The following EVL variants were observed in gnomAD, a reference collection of about 807,000 sequenced individuals.
The protein encoded by EVL is ena/VASP-like protein.
EVL carries 21 observed loss-of-function variants against 59.6 expected under a neutral mutation model. The ratio of observed to expected loss-of-function variants is 0.35; its 90% CI spans 0.25 to 0.51. The LOEUF (loss-of-function observed/expected upper bound fraction) is 0.51. EVL is among the 20% of genes least tolerant of loss of function. The pLI is 0.97. For missense variants in EVL, 462 were observed against 546.6 expected, an observed-to-expected ratio of 0.85 and a Z score of 1.54; for synonymous variants, 198 against 203.5, an observed-to-expected ratio of 0.97 and a Z score of 0.23.
chr14:100,098,570 G>A (rs1885980560), intron 3 of EVL, among the ~76,000 whole-genome samples: 1 of 152,244 alleles, frequency 6.6e-6, no homozygotes, highest in Non-Finnish European at 1.5e-5. Context: ...CAGCAGGACA[G>A]TTAAAGCAAA....
intron 3 of EVL, among the ~76,000 whole-genome samples, chr14:100,119,987 C>T (rs1158565512): frequency 1.3e-5 from 2 of 152,224 alleles, no homozygotes; most frequent in Non-Finnish European, 2.9e-5. Flanking sequence ...CGCTCTGCCA[C>T]TGTGTGCAGA....
intron 1 of EVL, among the ~76,000 whole-genome samples, chr14:100,018,946 G>C (rs1229983194): frequency 2.0e-5 from 3 of 152,110 alleles, no homozygotes; most frequent in African/African-American, 7.2e-5. Flanking sequence ...GAATTGGTGA[G>C]AACCGGGTAC....
At position 100,111,018 on chromosome 14, in the gene EVL, G is replaced by T. The variant is rs566642408; in HGVS notation, c.359-12521G>T. 1.3e-5 allele frequency among the ~76,000 whole-genome samples: 2 copies of T among 152,156 alleles called. 1 individual carries two copies. The highest frequency in any genetic ancestry group is 4.1e-4 in the South Asian group (2 of 4,828). ...ATGGTCAGCACAGTGGTTGACAGAA[G>T]TGGCACAGATTGTGGGGGCAGGTGA... is the stretch of plus-strand genomic sequence containing the variant. On this transcript the variant is annotated intron_variant, in intron 3 of 13. Coordinates refer to ENST00000392920, the MANE Select transcript of EVL (RefSeq NM_016337.3).
At chr14:99,975,016 TCC>T (rs2060760457) in intron 1 of EVL, 1 of 152,850 alleles carries the variant, frequency 6.5e-6, no homozygotes, top group Non-Finnish European at 1.5e-5. Context: ...GGGGACCTAC[TCC>T]TTGGCCTTGG....
intron 1 of EVL, among the ~76,000 whole-genome samples, chr14:99,990,277 G>A (rs1023527663): frequency 1.3e-5 from 2 of 152,248 alleles, no homozygotes; most frequent in South Asian, 2.1e-4. Flanking sequence ...GGGTATCAGC[G>A]AAGTTCAGAA....
At chr14:100,120,168 T>C (rs1168250019) in intron 3 of EVL, among the ~76,000 whole-genome samples, 2 of 152,206 alleles carry the variant, frequency 1.3e-5, no homozygotes, top group Non-Finnish European at 2.9e-5. Flanking sequence ...AAGCATGAAC[T>C]TGGGGGACCC....
intron 8 of EVL, chr14:100,134,983 A>G (rs146906859): frequency 6.6e-6 from 1 of 152,352 alleles, no homozygotes; most frequent in African/African-American, 2.4e-5. Context: ...AAAATAACAT[A>G]CAAGAAAAGA....
intron 1 of EVL, among the ~76,000 whole-genome samples, chr14:99,985,029 C>T (rs2060831258): frequency 6.6e-6 from 1 of 152,082 alleles, no homozygotes; most frequent in African/African-American, 2.4e-5. Flanking sequence ...TTGTATATAA[C>T]AACGTTAAGT....
At chr14:100,060,417 C>T (rs1026817454) in intron 1 of EVL, among the ~76,000 whole-genome samples, 97 of 133,764 alleles carry the variant, frequency 7.3e-4, no homozygotes, top group Admixed American at 1.4e-3. Context: ...GGCGACAGAG[C>T]GAGACTCCGT....
intron 1 of EVL, among the ~76,000 whole-genome samples, chr14:100,017,291 T>G (rs2061058796): frequency 6.6e-6 from 1 of 152,182 alleles, no homozygotes; most frequent in Admixed American, 6.5e-5. Context: ...AAGGAGAGTC[T>G]TGAGTCACTG....
intron 1 of EVL, among the ~76,000 whole-genome samples, chr14:100,036,778 G>A (rs967792955): frequency 2.0e-5 from 3 of 152,162 alleles, no homozygotes; most frequent in African/African-American, 7.2e-5. Flanking sequence ...GAGGACCGTG[G>A]CACTCTAGGG....
At chr14:100,099,564 C>T (rs541389816) in intron 3 of EVL, among the ~76,000 whole-genome samples, 46 of 152,282 alleles carry the variant, frequency 3.0e-4, no homozygotes, top group African/African-American at 9.1e-4. Context: ...GGTAAGGAAG[C>T]ATCTTAATCA....
At chr14:100,090,970 G>A (rs961603955) in intron 2 of EVL, among the ~76,000 whole-genome samples, 2 of 152,030 alleles carry the variant, frequency 1.3e-5, no homozygotes, top group Non-Finnish European at 2.9e-5. Context: ...TGTGAAAGTA[G>A]CTACAAACTA....
intron 7 of EVL, among the ~76,000 whole-genome samples, chr14:100,132,080 G>A (rs61984556): frequency 0.027 from 4,143 of 152,136 alleles, 81 homozygotes; most frequent in Non-Finnish European, 0.04. Flanking sequence ...GTAGACCTGG[G>A]AGGTCAGCAG....
At chr14:100,088,685 A>C (rs1349313114) in intron 2 of EVL, among the ~76,000 whole-genome samples, 2 of 152,234 alleles carry the variant, frequency 1.3e-5, no homozygotes, top group African/African-American at 2.4e-5. Flanking sequence ...TGACCAAAAC[A>C]TCATTATGTG....
At chr14:100,087,715 G>C (rs1313757370) in intron 2 of EVL, among the ~76,000 whole-genome samples, 8 of 152,206 alleles carry the variant, frequency 5.3e-5, no homozygotes, top group African/African-American at 1.7e-4. Flanking sequence ...AATTAATAGA[G>C]GTGGAGCAAA....
In EVL at chr14:100,127,745, G is replaced by A. The variant is rs928412382; in HGVS notation, c.488-774G>A. Among the ~76,000 whole-genome samples the A allele has an allele frequency of 1.2e-4, 18 of 152,184 alleles. No homozygotes were observed. Among genetic ancestry groups the A allele is most frequent in the African/African-American group, 3.4e-4 (14 of 41,450 alleles). On this transcript the variant is annotated intron_variant, in intron 5 of 13. Transcript: ENST00000392920. This position sits in a 1 kb window ranked among gnomAD's most constrained non-coding sequence, Gnocchi z 4.2. The stretch of plus-strand genomic sequence containing the variant: ...CGTGAGGACGTCATGGAGGACGTCC[G>A]TCTTCCATGAACTTCTGGCCAGGCT...
At chr14:100,101,444 C>T (rs975875695) in intron 3 of EVL, among the ~76,000 whole-genome samples, 3 of 151,962 alleles carry the variant, frequency 2.0e-5, no homozygotes, top group Non-Finnish European at 4.4e-5. Context: ...TGTGCCATTG[C>T]ACTCCACTTT....
At chr14:100,141,909 C>A in intron 13 of EVL, 116 bp downstream of exon 13, 1 of 737,462 alleles carries the variant, frequency 1.4e-6, no homozygotes, top group Non-Finnish European at 2.1e-6. Context: ...GCACTGGGCC[C>A]TGTGAGAGAT....
Sources: gnomAD v4.1 joint callset for allele counts (sites outside exome capture counted in the v4.1 genomes callset) on GRCh38, gnomAD v4.1.1 for gene constraint, Gnocchi (gnomAD v3.1) non-coding constraint, MANE v1.5 for transcripts, NCBI Gene and HGNC (gene_info 2026-07-23, HGNC 2026-07-21) for gene names.